FSTL5: variants seen among roughly 807,000 people sequenced by gnomAD.
FSTL5 encodes follistatin-related protein 5.
In FSTL5, 62 loss-of-function variants were observed where a neutral mutation model predicts 89.1. The ratio of observed to expected loss-of-function variants is 0.70; its 90% CI spans 0.57 to 0.86. FSTL5 has a LOEUF of 0.86. Ranked by LOEUF, FSTL5 falls within the 40% of genes least tolerant of loss-of-function variation. The probability of loss-of-function intolerance (pLI) is 0.00; values close to 1 mark genes in which losing one functional copy is unlikely to be tolerated. For missense variants in FSTL5, 1,057 were observed against 1,001.6 expected (o/e 1.06, Z -0.75); for synonymous variants, 383 against 346.2 (o/e 1.11, Z -1.18).
intron 7 of FSTL5, among the ~76,000 whole-genome samples, chr4:161,651,657 CA>C (rs955406147): frequency 3.5e-4 from 53 of 151,998 alleles, no homozygotes; most frequent in Admixed American, 7.9e-4. Flanking sequence ...TAATTCTCAC[CA>C]AAAAATATGA....
At chr4:161,862,712 C>CAG (rs1164567272) in intron 4 of FSTL5, among the ~76,000 whole-genome samples, 1 of 151,952 alleles carries the variant, frequency 6.6e-6, no homozygotes, top group African/African-American at 2.4e-5. Context: ...ACCCTGGTGA[C>CAG]AGAGAGAGAC....
intron 4 of FSTL5, among the ~76,000 whole-genome samples, chr4:161,910,314 A>G (rs1054207897): frequency 1.1e-4 from 16 of 152,158 alleles, no homozygotes; most frequent in African/African-American, 3.6e-4. Flanking sequence ...TCTTCACTTC[A>G]TCTTAACTAT....
intron 4 of FSTL5, among the ~76,000 whole-genome samples, chr4:161,790,820 T>A (rs1002229188): frequency 6.6e-6 from 1 of 152,222 alleles, no homozygotes; most frequent in African/African-American, 2.4e-5. Context: ...ATTTCACTTT[T>A]TTCTCATTCA....
chr4:161,423,087 C>T (rs914812120), intron 15 of FSTL5, among the ~76,000 whole-genome samples: 1 of 152,110 alleles, frequency 6.6e-6, no homozygotes, highest in Non-Finnish European at 1.5e-5. Context: ...ATGTCAAGTA[C>T]TTCCTTTATG....
At chr4:161,607,449 G>A (rs187122543) in intron 7 of FSTL5, among the ~76,000 whole-genome samples, 40 of 152,094 alleles carry the variant, frequency 2.6e-4, no homozygotes, top group Admixed American at 1.2e-3. Flanking sequence ...ATAAAACTAT[G>A]GCTTCTTTTC....
intron 4 of FSTL5, among the ~76,000 whole-genome samples, chr4:161,865,686 G>C (rs1052097730): frequency 6.6e-6 from 1 of 151,838 alleles, no homozygotes; most frequent in African/African-American, 2.4e-5. Context: ...CTTCTGCCTT[G>C]ATTTTAATTA....
chr4:161,819,992 G>A (rs1333489194), intron 4 of FSTL5, among the ~76,000 whole-genome samples: 3 of 151,812 alleles, frequency 2.0e-5, no homozygotes, highest in Non-Finnish European at 4.4e-5. Context: ...ATATATTGAA[G>A]ACTCTTTTTA....
At chr4:161,596,678 A>G (rs1283723964) in intron 7 of FSTL5, among the ~76,000 whole-genome samples, 3 of 152,118 alleles carry the variant, frequency 2.0e-5, no homozygotes, top group Admixed American at 6.6e-5. Context: ...CAAGTTCTAA[A>G]TGGTTGTTGA....
chr4:161,961,999 ATG>A (rs1735192704), intron 3 of FSTL5, among the ~76,000 whole-genome samples: 1 of 151,918 alleles, frequency 6.6e-6, no homozygotes, highest in African/African-American at 2.4e-5. Flanking sequence ...CAAATATATT[ATG>A]TGTTGACCAT....
chr4:161,958,360 C>T (rs1438735860), intron 3 of FSTL5, among the ~76,000 whole-genome samples: 1 of 151,964 alleles, frequency 6.6e-6, no homozygotes, highest in Non-Finnish European at 1.5e-5. Flanking sequence ...GGTATACTTT[C>T]CTGATTCTTT....
At chr4:161,616,759 A>C (rs1295253509) in intron 7 of FSTL5, among the ~76,000 whole-genome samples, 1 of 151,864 alleles carries the variant, frequency 6.6e-6, no homozygotes, top group Non-Finnish European at 1.5e-5. Context: ...TGCAGAGCTT[A>C]ATACATCGGT....
chr4:162,027,965 T>A (rs749307484), intron 3 of FSTL5, among the ~76,000 whole-genome samples: 1 of 152,306 alleles, frequency 6.6e-6, no homozygotes, highest in South Asian at 2.1e-4. Context: ...AATTATAGTA[T>A]AAACCATTTG....
intron 3 of FSTL5, among the ~76,000 whole-genome samples, chr4:161,958,575 T>C (rs1735087935): frequency 1.3e-5 from 2 of 152,168 alleles, no homozygotes; most frequent in African/African-American, 4.8e-5. Flanking sequence ...GGCCCACTAA[T>C]GAGGCAAGAC....
chr4:161,516,686 T>A (rs1730846996), intron 10 of FSTL5, among the ~76,000 whole-genome samples: 1 of 141,850 alleles, frequency 7.0e-6, no homozygotes, highest in Non-Finnish European at 1.5e-5. Flanking sequence ...TATATATGTA[T>A]AGTGAATTTA....
chr4:161,528,654 T>G (rs1222581528), intron 10 of FSTL5, among the ~76,000 whole-genome samples: 1 of 143,482 alleles, frequency 7.0e-6, no homozygotes, highest in Non-Finnish European at 1.5e-5. Context: ...TTGTTAACTC[T>G]TTGCACATTT....
chr4:162,161,361 T>C (rs1733688384), intron 1 of FSTL5, among the ~76,000 whole-genome samples: 1 of 151,912 alleles, frequency 6.6e-6, no homozygotes, highest in African/African-American at 2.4e-5. Flanking sequence ...TGCATTTAAG[T>C]AGTGTCCCCT....
chr4:161,670,430 G>C (rs1021294834), intron 6 of FSTL5, among the ~76,000 whole-genome samples: 1 of 152,150 alleles, frequency 6.6e-6, no homozygotes, highest in African/African-American at 2.4e-5. Flanking sequence ...CACATTATTT[G>C]CTCTGTCTTT....
intron 4 of FSTL5, among the ~76,000 whole-genome samples, chr4:161,824,181 T>C (rs930868447): frequency 2.0e-5 from 3 of 152,200 alleles, no homozygotes; most frequent in Non-Finnish European, 4.4e-5. Context: ...CTTGAGTTGA[T>C]TTTTATGTAA....
intron 4 of FSTL5, among the ~76,000 whole-genome samples, chr4:161,918,418 T>C (rs1733897145): frequency 6.6e-6 from 1 of 152,100 alleles, no homozygotes; most frequent in African/African-American, 2.4e-5. Context: ...ACACTACACA[T>C]GATGAGAAAG....
Sources: gnomAD v4.1 joint callset for allele counts (sites outside exome capture counted in the v4.1 genomes callset) on GRCh38, gnomAD v4.1.1 for gene constraint, MANE v1.5 for transcripts, NCBI Gene and HGNC (gene_info 2026-07-23, HGNC 2026-07-21) for gene names.